NCAM1: variants seen among roughly 807,000 people sequenced by gnomAD.
The protein encoded by NCAM1 is neural cell adhesion molecule 1.
NCAM1 carries 14 observed loss-of-function variants against 109.8 expected under a neutral mutation model. That is an observed-to-expected ratio of 0.13 (90% confidence interval 0.08 to 0.20). NCAM1 has a LOEUF of 0.20. Among genes scored for constraint, NCAM1 ranks in the 10% least tolerant of loss-of-function variants. The pLI, the probability that NCAM1 is intolerant of heterozygous loss-of-function variation, is 1.00. For missense variants in NCAM1, 774 were observed against 1,109.9 expected (o/e 0.70, Z 4.30); for synonymous variants, 418 against 442.9 (o/e 0.94, Z 0.70).
chr11:112,987,713 C>A (rs1307136163), intron 1 of NCAM1, among the ~76,000 whole-genome samples: 7 of 152,010 alleles, frequency 4.6e-5, no homozygotes, highest in African/African-American at 1.7e-4. Flanking sequence ...GCTACCCCTG[C>A]TCTCTTTTGG....
chr11:113,004,872 C>A (rs1001759924), intron 1 of NCAM1, among the ~76,000 whole-genome samples: 1 of 147,476 alleles, frequency 6.8e-6, no homozygotes, highest in African/African-American at 2.5e-5. Context: ...AAAATTTATT[C>A]TTGTCCTTCA....
intron 1 of NCAM1, among the ~76,000 whole-genome samples, chr11:113,171,447 G>C (rs1555106225): frequency 6.6e-6 from 1 of 152,112 alleles, no homozygotes; most frequent in Non-Finnish European, 1.5e-5. Flanking sequence ...GTCTGGCCAA[G>C]ATGGCGAAAC....
intron 1 of NCAM1, among the ~76,000 whole-genome samples, chr11:113,116,328 C>T (rs1555094872): frequency 2.6e-5 from 4 of 152,116 alleles, no homozygotes; most frequent in African/African-American, 9.7e-5. Context: ...TGTGTTATGC[C>T]TTCATTATAG....
At chr11:113,124,592 T>C (rs1317928163) in intron 1 of NCAM1, among the ~76,000 whole-genome samples, 2 of 152,250 alleles carry the variant, frequency 1.3e-5, no homozygotes, top group African/African-American at 4.8e-5. Context: ...TCATTACATA[T>C]GGGAAACTGA....
rs551266360 is a variant in NCAM1 at position 112,998,145 on chromosome 11, A to G, written c.52+36481A>G. Among the ~76,000 whole-genome samples the G allele has an allele frequency of 4.6e-5, 7 of 152,356 alleles. No homozygotes were observed. In the East Asian group the frequency reaches 9.6e-4, roughly 21 times the overall value. ...AGGGAAAGTGCTCATACATATGCAC[A>G]TAATTTTTAGTGGCCAACAAGAACT... On this transcript the variant is annotated intron_variant, in intron 1 of 19. Coordinates refer to ENST00000316851, the MANE Select transcript of NCAM1 (RefSeq NM_181351.5).
At chr11:113,000,808 T>TTATATATATATATA (rs1951727194) in intron 1 of NCAM1, among the ~76,000 whole-genome samples, 1 of 81,548 alleles carries the variant, frequency 1.2e-5, no homozygotes, top group Admixed American at 1.5e-4. Flanking sequence ...ACCTATAGAA[T>TTATATATATATATA]TATATATACA....
chr11:113,127,241 G>C (rs1260029400), intron 1 of NCAM1, among the ~76,000 whole-genome samples: 3 of 152,134 alleles, frequency 2.0e-5, no homozygotes, highest in African/African-American at 4.8e-5. Context: ...TTTTACAAAA[G>C]CTCTCCAGGT....
At chr11:113,275,209 G>T in intron 19 of NCAM1, 58 bp from the exon 20 acceptor site, 1 of 1,602,662 alleles carries the variant, frequency 6.2e-7, no homozygotes. Context: ...CCTGGATGCA[G>T]GGGCGAGATG....
rs1555069694 is a variant in NCAM1, at chr11:112,986,531, A to C, written c.52+24867A>C. ...TTTGGTAGAATTCACCATTGAAGCC[A>C]TCAGGCCCTGGGCTTTTCTTTGATA... On this transcript the variant is annotated intron_variant, in intron 1 of 19. Coordinates refer to ENST00000316851, the MANE Select transcript of NCAM1 (RefSeq NM_181351.5). Among the ~76,000 whole-genome samples the C allele has an allele frequency of 2.0e-5, 3 of 152,194 alleles. No homozygotes were observed. The South Asian group carries it at 6.2e-4, about 32-fold the overall frequency.
intron 1 of NCAM1, among the ~76,000 whole-genome samples, chr11:113,017,253 G>A (rs567255266): frequency 8.5e-5 from 13 of 152,240 alleles, no homozygotes; most frequent in Non-Finnish European, 1.6e-4. Context: ...AGGTGAATGA[G>A]GCAGACTGGA....
intron 1 of NCAM1, among the ~76,000 whole-genome samples, chr11:113,166,974 G>A (rs868924680): frequency 1.7e-4 from 26 of 152,294 alleles, no homozygotes; most frequent in African/African-American, 5.8e-4. Context: ...CATTAAGTCA[G>A]CAAAAATTTG....
intron 1 of NCAM1, among the ~76,000 whole-genome samples, chr11:113,055,242 A>G (rs887725626): frequency 1.3e-5 from 2 of 152,206 alleles, no homozygotes; most frequent in South Asian, 4.1e-4. Context: ...TTATTAAGAT[A>G]TATTTAATAA....
At chr11:113,155,270 C>A (rs1187104983) in intron 1 of NCAM1, among the ~76,000 whole-genome samples, 1 of 152,106 alleles carries the variant, frequency 6.6e-6, no homozygotes, top group Non-Finnish European at 1.5e-5. Context: ...GTAATCCCAG[C>A]ACTTTGGGAG....
chr11:113,221,211 G>T, intron 8 of NCAM1, 85 bp from the exon 9 acceptor site: 1 of 1,351,520 alleles, frequency 7.4e-7, no homozygotes, highest in South Asian at 1.3e-5. Flanking sequence ...CATGTGCACG[G>T]AATGCAGTGT....
At chr11:113,190,467 G>A (rs1353377136) in intron 1 of NCAM1, among the ~76,000 whole-genome samples, 2 of 152,114 alleles carry the variant, frequency 1.3e-5, no homozygotes, top group African/African-American at 2.4e-5. Context: ...ACCGCCCCAC[G>A]GCCACCATCT....
chr11:112,968,948 G>C (rs1376165003), intron 1 of NCAM1, among the ~76,000 whole-genome samples: 1 of 152,162 alleles, frequency 6.6e-6, no homozygotes, highest in Non-Finnish European at 1.5e-5. Context: ...GGAGTTTCAC[G>C]TTATGAAGTC....
chr11:113,225,915 A>G (rs1240025096), intron 9 of NCAM1, among the ~76,000 whole-genome samples: 2 of 152,226 alleles, frequency 1.3e-5, no homozygotes, highest in African/African-American at 2.4e-5. Flanking sequence ...CCTGCCCTAC[A>G]AGAGCTCCTG....
intron 1 of NCAM1, among the ~76,000 whole-genome samples, chr11:113,085,007 A>G (rs1243703963): frequency 6.6e-6 from 1 of 152,192 alleles, no homozygotes; most frequent in African/African-American, 2.4e-5. Context: ...AATAACTTGA[A>G]CCAAATAGGT....
intron 1 of NCAM1, among the ~76,000 whole-genome samples, chr11:113,083,856 C>T (rs1423528831): frequency 6.6e-6 from 1 of 152,234 alleles, no homozygotes; most frequent in Admixed American, 6.5e-5. Flanking sequence ...TAGTTTTTAA[C>T]TGAGATACAG....
Sources: gnomAD v4.1 joint callset for allele counts (sites outside exome capture counted in the v4.1 genomes callset) on GRCh38, gnomAD v4.1.1 for gene constraint, MANE v1.5 for transcripts, NCBI Gene and HGNC (gene_info 2026-07-23, HGNC 2026-07-21) for gene names.